CPED1: variants seen among roughly 807,000 people sequenced by gnomAD.
The protein encoded by CPED1 is cadherin-like and PC-esterase domain-containing protein 1.
CPED1 carries 114 observed loss-of-function variants against 128.2 expected under a neutral mutation model. That is an observed-to-expected ratio of 0.89 (90% CI 0.76 to 1.04). The LOEUF is 1.04. Ranked by LOEUF, CPED1 falls within the 50% of genes least tolerant of loss-of-function variation. CPED1 has a pLI of 0.00. For synonymous variants in CPED1, 462 were observed against 426.7 expected (o/e 1.08, Z -1.02); for missense variants, 1,211 against 1,207.1 (o/e 1.00, Z -0.05).
At chr7:121,009,139 G>C (rs1792098220) in intron 2 of CPED1, among the ~76,000 whole-genome samples, 1 of 152,058 alleles carries the variant, frequency 6.6e-6, no homozygotes, top group African/African-American at 2.4e-5. Context: ...CTCCTTAAAG[G>C]CAGAGGATTT....
intron 2 of CPED1, among the ~76,000 whole-genome samples, chr7:121,008,770 C>T (rs1792089305): frequency 6.6e-6 from 1 of 151,886 alleles, no homozygotes; most frequent in Admixed American, 6.5e-5. Context: ...CACTAGCCCT[C>T]CTAGTGAGGG....
chr7:121,052,981 A>G (rs936642845), intron 4 of CPED1, among the ~76,000 whole-genome samples: 1 of 152,122 alleles, frequency 6.6e-6, no homozygotes, highest in African/African-American at 2.4e-5. Flanking sequence ...GACCTCCCAA[A>G]GTGCTGGGAT....
Position 121,099,855 on chromosome 7 carries a change from G to C in CPED1, c.750-71G>C, listed in dbSNP as rs1041921711. On this transcript the variant is annotated intron_variant, in intron 6 of 22. Coordinates refer to ENST00000310396, the MANE Select transcript of CPED1 (RefSeq NM_024913.5). ...AGGATAGAAGCAGTTTACAAAGCTT[G>C]TAGGTAATTTACAAATTATGTACTC... The C allele has an allele frequency of 5.7e-5, 85 of 1,503,570 alleles. No homozygotes were observed. The African/African-American group carries it at 9.5e-4, about 17-fold the overall frequency. The allele number at this position is 1,503,570 out of a possible 1,614,324, so 93.1% of individuals were successfully genotyped here.
rs376916669 is a variant in CPED1, at chr7:121,279,436, T to C, written c.2868+8006T>C. Among the ~76,000 whole-genome samples, 16 of 150,982 alleles carry C rather than the reference T, an allele frequency of 1.1e-4. No homozygotes were observed. The East Asian group carries it at 3.1e-3, about 29-fold the overall frequency. On this transcript the variant is annotated intron_variant, in intron 22 of 22. Transcript: ENST00000310396. ...AAATACTTTAAAGACATAAAGCTAC[T>C]CACTCACTCCCCACCCCCCGCCACA...
At chr7:121,028,259 G>A (rs1194051922) in intron 3 of CPED1, among the ~76,000 whole-genome samples, 1 of 152,108 alleles carries the variant, frequency 6.6e-6, no homozygotes, top group East Asian at 1.9e-4. Context: ...GCTGGTCCTG[G>A]GACCACGTGT....
intron 2 of CPED1, among the ~76,000 whole-genome samples, chr7:120,991,251 G>T (rs921014989): frequency 1.3e-5 from 2 of 152,188 alleles, no homozygotes; most frequent in African/African-American, 4.8e-5. Flanking sequence ...TTATGACAAA[G>T]AATAGTAGAT....
In CPED1 at chr7:121,236,849, T is replaced by C. The variant is rs878979014; in HGVS notation, c.2173+18T>C. 2 of 1,293,324 alleles carry C rather than the reference T, an allele frequency of 1.5e-6. No homozygotes were observed. The highest frequency in any genetic ancestry group is 2.2e-6 in the Non-Finnish European group (2 of 909,884). 80.1% of individuals were successfully genotyped at this position (1,293,324 alleles called of 1,614,324 possible). Reference sequence around the variant, plus strand: ...CATGAAAGGTGACTATCACATTGGATATCACTTCTCTAAAAAAAGAATAAT... The same window carrying C: ...CATGAAAGGTGACTATCACATTGGACATCACTTCTCTAAAAAAAGAATAAT... On this transcript the variant is annotated intron_variant, in intron 17 of 22. Coordinates refer to ENST00000310396, the MANE Select transcript of CPED1 (RefSeq NM_024913.5).
chr7:121,225,190 A>G (rs1193582113), intron 16 of CPED1, among the ~76,000 whole-genome samples: 2 of 152,040 alleles, frequency 1.3e-5, no homozygotes, highest in African/African-American at 2.4e-5. Context: ...ATCTCTCAGC[A>G]TTTGCTTGTC....
chr7:121,112,608 GT>G (rs1795141370), intron 7 of CPED1, among the ~76,000 whole-genome samples: 1 of 152,184 alleles, frequency 6.6e-6, no homozygotes, highest in Non-Finnish European at 1.5e-5. Flanking sequence ...AATTTCTCTA[GT>G]TTTAAATTGT....
chr7:121,191,700 A>T (rs919862069), intron 16 of CPED1, among the ~76,000 whole-genome samples: 4 of 152,126 alleles, frequency 2.6e-5, no homozygotes, highest in African/African-American at 9.6e-5. Flanking sequence ...TCTGAGAAGT[A>T]TATCAGTTTC....
intron 5 of CPED1, among the ~76,000 whole-genome samples, chr7:121,077,540 A>G (rs1794161998): frequency 1.3e-5 from 2 of 152,080 alleles, no homozygotes; most frequent in African/African-American, 4.8e-5. Context: ...TTGCACATTT[A>G]TTGGTGGGAA....
At position 121,124,439 on chromosome 7, in the gene CPED1, G is replaced by A; in HGVS notation, c.1027G>A (p.Glu343Lys). Residue 343 changes from glutamate (E) to lysine (K), a missense_variant, in exon 8 of 23, where the codon GAA (glutamate) becomes AAA (lysine). Physicochemically the swap from Glu to Lys is moderately conservative, Grantham distance 56. Transcript: ENST00000310396. ...ACTGCTAGCGGCTGAAGTATTCAGT[G>A]AAACATCTACTCTGGGACCAAAGAC... ...KLLLAAEVFSETSTLGPKTFH... is the reference protein window; with the variant it reads ...KLLLAAEVFSKTSTLGPKTFH... 1 of 1,595,696 alleles carries A rather than the reference G, an allele frequency of 6.3e-7. No homozygotes were observed. The highest frequency in any genetic ancestry group is 8.6e-7 in the Non-Finnish European group (1 of 1,169,458).
At position 121,130,192 on chromosome 7, in the gene CPED1, TG is replaced by T. The variant is rs1319150088; in HGVS notation, c.1478del (p.Gly493GlufsTer7). 6.2e-7 allele frequency: 1 copy of T among 1,612,942 alleles called. No individual in the cohort carries two copies. ...GAATTTTATGATGTGGCAAATCCTG[TG>T]GGAAATCCTGGCTCAGTCCTGACCC... ...MHEFYDVANP[V>X]GNPGSVLTQY... On this transcript the variant is annotated frameshift_variant, in exon 12 of 23. Transcript: ENST00000310396. LOFTEE classifies it high-confidence loss of function.
chr7:121,106,765 G>A (rs938982941), intron 7 of CPED1, among the ~76,000 whole-genome samples: 2 of 152,050 alleles, frequency 1.3e-5, no homozygotes, highest in African/African-American at 4.8e-5. Context: ...CTCTGAACTG[G>A]ATCCTGGAAG....
At chr7:121,165,178 T>G (rs1204838613) in intron 16 of CPED1, among the ~76,000 whole-genome samples, 1 of 152,168 alleles carries the variant, frequency 6.6e-6, no homozygotes, top group African/African-American at 2.4e-5. Flanking sequence ...GGAAAAGTAA[T>G]ATCAAGCATC....
At chr7:121,206,486 G>C (rs1042421609) in intron 16 of CPED1, among the ~76,000 whole-genome samples, 2 of 151,866 alleles carry the variant, frequency 1.3e-5, no homozygotes, top group Non-Finnish European at 1.5e-5. Flanking sequence ...AATAATGGTT[G>C]TTTTAATATT....
At chr7:121,061,822 A>C (rs1380968898) in intron 4 of CPED1, among the ~76,000 whole-genome samples, 2 of 152,358 alleles carry the variant, frequency 1.3e-5, no homozygotes, top group East Asian at 3.9e-4. Context: ...ACAATTAAAA[A>C]GTTATAATCT....
chr7:121,113,949 C>T (rs141360774), intron 7 of CPED1, among the ~76,000 whole-genome samples: 2 of 152,252 alleles, frequency 1.3e-5, no homozygotes, highest in East Asian at 1.9e-4. Flanking sequence ...TTGCCTCAGC[C>T]TCCTGAGTAG....
At chr7:121,118,982 A>G (rs1483795578) in intron 7 of CPED1, among the ~76,000 whole-genome samples, 2 of 152,180 alleles carry the variant, frequency 1.3e-5, no homozygotes, top group African/African-American at 4.8e-5. Flanking sequence ...ATTCAACATG[A>G]TATTTGGTGG....
Sources: gnomAD v4.1 joint callset for allele counts (sites outside exome capture counted in the v4.1 genomes callset) on GRCh38, gnomAD v4.1.1 for gene constraint, MANE v1.5 for transcripts, NCBI Gene and HGNC (gene_info 2026-07-23, HGNC 2026-07-21) for gene names.